ZNF500: variants seen among roughly 807,000 people sequenced by gnomAD.
The protein encoded by ZNF500 is zinc finger protein 500.
A neutral mutation model predicts 30.1 loss-of-function variants in ZNF500; 31 were observed. The observed-to-expected ratio is 1.03, with a 90% CI of 0.77 to 1.39. The LOEUF is 1.39. Ranked by LOEUF, ZNF500 falls within the 40% of genes most tolerant of loss-of-function variation. The pLI is 0.00. For missense variants in ZNF500, 817 were observed against 657.8 expected, an observed-to-expected ratio of 1.24 and a Z score of -2.65; for synonymous variants, 392 against 282.0, an observed-to-expected ratio of 1.39 and a Z score of -3.91.
chr16:4,747,352 C>T (rs753402412), downstream of ZNF500: 53 of 1,580,446 alleles, frequency 3.4e-5, no homozygotes, highest in East Asian at 4.0e-4. Flanking sequence ...GGACCTGTAC[C>T]GGGAAAAGCC....
chr16:4,746,818 T>G, downstream of ZNF500: 1 of 1,057,606 alleles, frequency 9.5e-7, no homozygotes. Context: ...GTGTGGCTGC[T>G]GACCTCTTGC....
chr16:4,752,811 C>T lies in ZNF500; in HGVS notation c.1008G>A (p.Lys336=), dbSNP rs2082097761. 2 of 1,614,268 alleles carry T rather than the reference C, an allele frequency of 1.2e-6. No individual in the cohort carries two copies. Among genetic ancestry groups the T allele is most frequent in the Non-Finnish European group, 1.7e-6 (2 of 1,180,046 alleles). The change falls in exon 6 of 6, where the codon AAG becomes AAA. Residue 336 remains lysine, a synonymous_variant. Transcript: ENST00000219478. ...TCPECGKGFS[K]TSHLTKHQRT... ...GCTGGTGCTTGGTCAAGTGGGACGT[C>T]TTGCTGAAGCCTTTGCCACATTCGG...
At position 4,753,119 on chromosome 16, in the gene ZNF500, T is replaced by C. The variant is rs1347734275; in HGVS notation, c.761-61A>G. The C allele has an allele frequency of 4.7e-6, 7 of 1,492,284 alleles. No individual in the cohort carries two copies. The Admixed American group carries it at 9.2e-5, about 20-fold the overall frequency. The allele number at this position is 1,492,284 out of a possible 1,614,324, so 92.4% of individuals were successfully genotyped here. A position where few individuals can be genotyped will look rare whatever the true frequency, so the allele number is the denominator to read the frequency against. ...AGCAAGAGGGCAAGGGAAATCCTTC[T>C]AATAGGAAAATGAAGGCCTCACAGG... On this transcript the variant is annotated intron_variant, in intron 5 of 5. Coordinates refer to ENST00000219478, the MANE Select transcript of ZNF500 (RefSeq NM_021646.4).
chr16:4,747,412 G>A, downstream of ZNF500: 1 of 1,612,872 alleles, frequency 6.2e-7, no homozygotes, highest in Non-Finnish European at 8.5e-7. Context: ...CCCAGCCCGA[G>A]CTGCCTGCCA....
At chr16:4,755,247 A>C (rs994082975) in intron 5 of ZNF500, among the ~76,000 whole-genome samples, 1 of 152,126 alleles carries the variant, frequency 6.6e-6, no homozygotes, top group African/African-American at 2.4e-5. Flanking sequence ...CTCCCACCTC[A>C]GCCTCCCAAA....
downstream of ZNF500, chr16:4,747,147 A>C: frequency 8.3e-7 from 1 of 1,208,626 alleles, no homozygotes; most frequent in Non-Finnish European, 1.2e-6. Context: ...GCACAGGGTG[A>C]GGGGGACGGC....
At chr16:4,761,016 C>T (rs1352623129) in intron 4 of ZNF500, among the ~76,000 whole-genome samples, 2 of 152,170 alleles carry the variant, frequency 1.3e-5, no homozygotes, top group East Asian at 1.9e-4. Context: ...ATTAAAAAAA[C>T]AAGCAAACTC....
At chr16:4,746,802 C>T, downstream of ZNF500, 1 of 915,534 alleles carries the variant, frequency 1.1e-6, no homozygotes, top group South Asian at 1.8e-5. Flanking sequence ...CGTCCACCGG[C>T]CTCCAGTGTG....
In ZNF500 at chr16:4,765,588, T is replaced by C; in HGVS notation, c.391A>G (p.Lys131Glu). ...AVVLVEGLQR[K>E]PRKHRQRGSE... ...ACCCGCTGCCTGTGTTTCCTGGGCTTCCGCTGCAGCCCTTCCACAAGGACC... is the reference window on the plus strand; with the variant it reads ...ACCCGCTGCCTGTGTTTCCTGGGCTCCCGCTGCAGCCCTTCCACAAGGACC... The change falls in exon 2 of 6, where the codon AAG (lysine) becomes GAG (glutamate). Residue 131 changes from lysine (K) to glutamate (E), a missense_variant. Lys to Glu is a moderately conservative substitution (Grantham distance 56). Coordinates refer to ENST00000219478, the MANE Select transcript of ZNF500 (RefSeq NM_021646.4). 6.2e-7 allele frequency: 1 copy of C among 1,604,024 alleles called. No individual in the cohort carries two copies. Among genetic ancestry groups the C allele is most frequent in the South Asian group, 1.1e-5 (1 of 90,136 alleles).
rs1268412501 is a variant in ZNF500 at position 4,767,129 on chromosome 16, G to C, written c.-211C>G. The stretch of plus-strand genomic sequence containing the variant: ...AGCCAGGGACGCCAGAGCCGGGGCC[G>C]AAGACCCTAAACCAGGGGTGCAAAC... On this transcript the variant is annotated 5_prime_UTR_variant, in exon 1 of 6. Coordinates refer to ENST00000219478, the MANE Select transcript of ZNF500 (RefSeq NM_021646.4). 1.3e-5 allele frequency: 2 copies of C among 152,346 alleles called. No individual in the cohort carries two copies. The highest frequency in any genetic ancestry group is 1.5e-5 in the Non-Finnish European group (1 of 68,130). The allele number at this position is 152,346 out of a possible 1,614,324, so 9.4% of individuals were successfully genotyped here.
intron 2 of ZNF500, chr16:4,764,111 CTA>C (rs1012423460): frequency 2.1e-5 from 21 of 985,242 alleles, no homozygotes; most frequent in African/African-American, 3.5e-5. Flanking sequence ...GAGGCACTGT[CTA>C]TAGAGATTTC....
chr16:4,764,355 G>C (rs2082239276), intron 2 of ZNF500, among the ~76,000 whole-genome samples: 1 of 152,040 alleles, frequency 6.6e-6, no homozygotes, highest in South Asian at 2.1e-4. Context: ...GCAAAACCCT[G>C]TCTCTACTAA....
At chr16:4,755,658 A>C (rs1297985679) in intron 5 of ZNF500, among the ~76,000 whole-genome samples, 3 of 152,172 alleles carry the variant, frequency 2.0e-5, no homozygotes, top group Admixed American at 1.3e-4. Context: ...GCAGCTCATC[A>C]AAAGGTAAAC....
In ZNF500 at chr16:4,748,812, T is replaced by G. The variant is rs1250733966; in HGVS notation, c.*3564A>C. ...GGTGCCACGGGCTCAGGCAGCACAG[T>G]AGGGCGCCGGGCCTTTGGGACAGTG... is the stretch of plus-strand genomic sequence containing the variant. On this transcript the variant is annotated 3_prime_UTR_variant, in exon 6 of 6. Coordinates refer to ENST00000219478, the MANE Select transcript of ZNF500 (RefSeq NM_021646.4). 1.3e-5 allele frequency: 2 copies of G among 152,300 alleles called. No individual in the cohort carries two copies. Among genetic ancestry groups the G allele is most frequent in the Non-Finnish European group, 2.9e-5 (2 of 68,110 alleles). The allele number at this position is 152,300 out of a possible 1,614,324, so 9.4% of individuals were successfully genotyped here. A position where few individuals can be genotyped will look rare whatever the true frequency, so the allele number is the denominator to read the frequency against.
chr16:4,745,748 C>T (rs968704935), downstream of ZNF500, among the ~76,000 whole-genome samples: 3 of 152,034 alleles, frequency 2.0e-5, no homozygotes, highest in East Asian at 1.9e-4. Flanking sequence ...GTCAGGAGTT[C>T]GAGACCAGCC....
Position 4,752,963 on chromosome 16 carries a change from GC to G in ZNF500, c.855del (p.Pro286LeufsTer55). ...CTCTGACCTGGGAGCGGGTGGCCAG[GC>G]CCCTGGCATCGTGCCGAGAGCACTC... is the stretch of plus-strand genomic sequence containing the variant. ...WYRVLSARCQ[G>X]PGHPLPGQRP... On this transcript the variant is annotated frameshift_variant, in exon 6 of 6. Transcript: ENST00000219478. LOFTEE classifies it low-confidence loss of function (END_TRUNC). 1 of 1,608,928 alleles carries G rather than the reference GC, an allele frequency of 6.2e-7. No homozygotes were observed. The highest frequency in any genetic ancestry group is 2.2e-5 in the East Asian group (1 of 44,760).
At chr16:4,747,559 C>T, downstream of ZNF500, 3 of 1,612,134 alleles carry the variant, frequency 1.9e-6, no homozygotes, top group Non-Finnish European at 2.5e-6. Flanking sequence ...GGCCCAGAGC[C>T]CTGGGGGATG....
intron 5 of ZNF500, among the ~76,000 whole-genome samples, chr16:4,753,860 C>G (rs999562640): frequency 2.0e-5 from 3 of 152,238 alleles, no homozygotes; most frequent in African/African-American, 7.2e-5. Flanking sequence ...CTGGGCTGTT[C>G]TGGCTGAGCA....
At chr16:4,744,724 G>A (rs2081991183), downstream of ZNF500, 1 of 1,015,960 alleles carries the variant, frequency 9.8e-7, no homozygotes, top group Non-Finnish European at 1.4e-6. Context: ...TCAGAGGGCT[G>A]AGTAGGGAGA....
Sources: allele counts gnomAD v4.1 joint callset (sites outside exome capture counted in the v4.1 genomes callset), GRCh38; gene constraint gnomAD v4.1.1; transcripts MANE v1.5; gene names NCBI Gene and HGNC (gene_info 2026-07-23, HGNC 2026-07-21).